TAFA2: variants seen among roughly 807,000 people sequenced by gnomAD.
The protein encoded by TAFA2 is TAFA chemokine like family member 2.
In TAFA2, 7 loss-of-function variants were observed where a neutral mutation model predicts 18.8. That is an observed-to-expected ratio of 0.37 (90% CI 0.21 to 0.70). TAFA2 has a LOEUF of 0.70. Ranked by LOEUF, TAFA2 falls within the 30% of genes least tolerant of loss-of-function variation. TAFA2 has a pLI of 0.53. For missense variants in TAFA2, 122 were observed against 158.1 expected, an observed-to-expected ratio of 0.77 and a Z score of 1.23; for synonymous variants, 60 against 54.2, an observed-to-expected ratio of 1.11 and a Z score of -0.47.
rs1001357127 is a variant in TAFA2 at position 61,880,652 on chromosome 12, T to A, written c.-1-13226A>T. ...TCAGCTATGGCCTGAGCTCTAGCTTTGGCTCTGTTGCAGGCTCCAGCTACT... is the reference window on the plus strand; with the variant it reads ...TCAGCTATGGCCTGAGCTCTAGCTTAGGCTCTGTTGCAGGCTCCAGCTACT... On this transcript the variant is annotated intron_variant, in intron 1 of 4. Transcript: ENST00000416284. 3 of 362,686 alleles carry A rather than the reference T, an allele frequency of 8.3e-6. No individual in the cohort carries two copies. In the Admixed American group the frequency reaches 1.0e-4, roughly 13 times the overall value. 22.5% of individuals were successfully genotyped at this position (362,686 alleles called of 1,614,324 possible).
At chr12:61,978,102 G>A (rs978178444) in intron 1 of TAFA2, among the ~76,000 whole-genome samples, 1 of 152,018 alleles carries the variant, frequency 6.6e-6, no homozygotes, top group Non-Finnish European at 1.5e-5. Flanking sequence ...ATGACTCTGT[G>A]CAAGTTACTC....
At chr12:62,223,637 T>C (rs1261270726) in intron 1 of TAFA2, among the ~76,000 whole-genome samples, 1 of 152,148 alleles carries the variant, frequency 6.6e-6, no homozygotes, top group East Asian at 1.9e-4. Flanking sequence ...AAATTTGTGA[T>C]TAAGACCTAA....
chr12:61,987,073 G>C (rs990091867), intron 1 of TAFA2, among the ~76,000 whole-genome samples: 1 of 152,192 alleles, frequency 6.6e-6, no homozygotes, highest in Non-Finnish European at 1.5e-5. Context: ...ATATAAAAAG[G>C]TCACTAAAAT....
At chr12:62,015,592 T>C (rs1880911279) in intron 1 of TAFA2, among the ~76,000 whole-genome samples, 2 of 152,196 alleles carry the variant, frequency 1.3e-5, no homozygotes, top group Admixed American at 6.5e-5. Context: ...ACTGATGATA[T>C]AGTGGTGAGC....
intron 4 of TAFA2, among the ~76,000 whole-genome samples, chr12:61,717,786 C>G (rs1869726656): frequency 6.6e-6 from 1 of 152,198 alleles, no homozygotes; most frequent in South Asian, 2.1e-4. Flanking sequence ...AATGGGACAG[C>G]CTCATTCTGC....
At chr12:61,922,471 T>A (rs1877094653) in intron 1 of TAFA2, among the ~76,000 whole-genome samples, 1 of 151,930 alleles carries the variant, frequency 6.6e-6, no homozygotes, top group Admixed American at 6.6e-5. Context: ...CAGGGTAGGG[T>A]CACCTCACCC....
intron 1 of TAFA2, among the ~76,000 whole-genome samples, chr12:61,903,186 A>T (rs1269861101): frequency 1.3e-5 from 2 of 152,122 alleles, no homozygotes; most frequent in African/African-American, 4.8e-5. Context: ...ATGTACTATG[A>T]CTTACAATAA....
At chr12:61,811,538 ACACAAG>A (rs1871868771) in intron 2 of TAFA2, among the ~76,000 whole-genome samples, 1 of 151,532 alleles carries the variant, frequency 6.6e-6, no homozygotes, top group Non-Finnish European at 1.5e-5. Context: ...ATGAACTATG[ACACAAG>A]CATATTAAAA....
At chr12:61,907,352 G>A (rs11830988) in intron 1 of TAFA2, among the ~76,000 whole-genome samples, 41,526 of 152,124 alleles carry the variant, frequency 0.27, 6,109 homozygotes, top group East Asian at 0.44. Flanking sequence ...TTCAGCCATG[G>A]CTAAAAGGGG....
At chr12:61,821,718 T>A (rs1872330417) in intron 2 of TAFA2, among the ~76,000 whole-genome samples, 1 of 152,136 alleles carries the variant, frequency 6.6e-6, no homozygotes, top group South Asian at 2.1e-4. Flanking sequence ...AATGTATAAT[T>A]GACTTTATGG....
chr12:62,196,255 C>G (rs1040790898), upstream of TAFA2, among the ~76,000 whole-genome samples: 2 of 152,210 alleles, frequency 1.3e-5, no homozygotes, highest in Non-Finnish European at 2.9e-5. Flanking sequence ...GATTTTCTAT[C>G]TAGACCACCA....
intron 1 of TAFA2, among the ~76,000 whole-genome samples, chr12:62,160,817 G>A (rs2062401803): frequency 6.6e-6 from 1 of 152,250 alleles, no homozygotes. Context: ...GAGTGTAGGT[G>A]GGTATGTGTG....
At chr12:61,818,474 C>A (rs1210422406) in intron 2 of TAFA2, among the ~76,000 whole-genome samples, 2 of 145,946 alleles carry the variant, frequency 1.4e-5, no homozygotes, top group Non-Finnish European at 3.0e-5. Flanking sequence ...CAGATCGAGA[C>A]CCTGTCTCAA....
At chr12:61,906,779 T>C (rs1391954548) in intron 1 of TAFA2, among the ~76,000 whole-genome samples, 1 of 152,134 alleles carries the variant, frequency 6.6e-6, no homozygotes, top group African/African-American at 2.4e-5. Context: ...GCTGAGGTGG[T>C]TATCAGATGG....
At chr12:62,016,942 G>A (rs958771425) in intron 1 of TAFA2, among the ~76,000 whole-genome samples, 5 of 152,192 alleles carry the variant, frequency 3.3e-5, no homozygotes, top group African/African-American at 1.2e-4. Flanking sequence ...AAGAGCGTGA[G>A]CTCTGCAGTG....
intron 1 of TAFA2, among the ~76,000 whole-genome samples, chr12:62,178,947 T>C (rs2062533485): frequency 6.6e-6 from 1 of 152,192 alleles, no homozygotes; most frequent in Non-Finnish European, 1.5e-5. Context: ...GCATTCACTG[T>C]CTGTATGATT....
chr12:61,731,537 T>C (rs1321008051), intron 4 of TAFA2, among the ~76,000 whole-genome samples: 1 of 152,100 alleles, frequency 6.6e-6, no homozygotes, highest in Non-Finnish European at 1.5e-5. Flanking sequence ...CTCATTCTGT[T>C]ACTCAAGGAA....
chr12:61,771,910 A>C (rs1036968596), intron 2 of TAFA2, among the ~76,000 whole-genome samples: 1 of 2,510 alleles, frequency 4.0e-4, no homozygotes, highest in Non-Finnish European at 6.8e-4. Context: ...AAATTGAAAC[A>C]AAAAAAAAAA....
rs7314903 is a variant in TAFA2, at chr12:62,183,855, T to C, written c.-2+7404A>G. On this transcript the variant is annotated intron_variant, in intron 1 of 4. Coordinates refer to ENST00000416284, the MANE Select transcript of TAFA2 (RefSeq NM_178539.5). ...TATAATATATGAAGATTATTTATTT[T>C]CTAGCCTAGTTGATCGAACTAATTT... is the stretch of plus-strand genomic sequence containing the variant. 2.0e-5 allele frequency among the ~76,000 whole-genome samples: 3 copies of C among 152,018 alleles called. No homozygotes were observed. In the East Asian group the frequency reaches 5.8e-4, roughly 29 times the overall value.
Sources: gnomAD v4.1 joint callset for allele counts (sites outside exome capture counted in the v4.1 genomes callset) on GRCh38, gnomAD v4.1.1 for gene constraint, MANE v1.5 for transcripts, NCBI Gene and HGNC (gene_info 2026-07-23, HGNC 2026-07-21) for gene names.